Variants in PAM observed in about 807,000 individuals in gnomAD.
PAM encodes peptidylglycine alpha-amidating monooxygenase.
In PAM, 72 loss-of-function variants were observed where a neutral mutation model predicts 122.1. That is an observed-to-expected ratio of 0.59 (90% CI 0.49 to 0.72). The LOEUF is 0.72. Ranked by LOEUF, PAM falls within the 30% of genes least tolerant of loss-of-function variation. PAM has a pLI of 0.00. For synonymous variants in PAM, 389 were observed against 404.4 expected (o/e 0.96, Z 0.46); for missense variants, 1,106 against 1,183.7 (o/e 0.93, Z 0.96).
intron 18 of PAM, 66 bp from the exon 19 acceptor site, chr5:103,006,735 G>C (rs1410851788): frequency 5.5e-6 from 6 of 1,097,966 alleles, no homozygotes; most frequent in Non-Finnish European, 8.1e-6. Flanking sequence ...AGTGGTCTTA[G>C]TCATGTGGGT....
intron 16 of PAM, among the ~76,000 whole-genome samples, chr5:102,999,464 G>C (rs1466399268): frequency 1.3e-5 from 2 of 152,204 alleles, no homozygotes; most frequent in African/African-American, 4.8e-5. Context: ...CCAAGGTCTG[G>C]AGAATGGTGG....
chr5:102,830,890 G>A lies in PAM; in HGVS notation c.-373-34933G>A, dbSNP rs545159303. ...TCTGACTCTGTATTTTGGATGTTTTGTTTTGTTTTGTTTTGTTTTGTTTTT... is the reference window on the plus strand; with the variant it reads ...TCTGACTCTGTATTTTGGATGTTTTATTTTGTTTTGTTTTGTTTTGTTTTT... On this transcript the variant is annotated intron_variant, in intron 1 of 25. Coordinates refer to ENST00000438793, the MANE Select transcript of PAM (RefSeq NM_001177306.2). Among the ~76,000 whole-genome samples the A allele has an allele frequency of 7.0e-5, 6 of 85,396 alleles. No individual in the cohort carries two copies. The South Asian group carries it at 2.0e-3, about 28-fold the overall frequency. 56.0% of individuals were successfully genotyped at this position (85,396 alleles called of 152,430 possible). A position where few individuals can be genotyped will look rare whatever the true frequency, so the allele number is the denominator to read the frequency against.
intron 1 of PAM, among the ~76,000 whole-genome samples, chr5:102,793,800 A>G (rs1411956060): frequency 6.6e-6 from 1 of 152,232 alleles, no homozygotes; most frequent in African/African-American, 2.4e-5. Context: ...CAATTAATTT[A>G]TCAATTTGTA....
chr5:102,923,819 C>G (rs1015870341), intron 5 of PAM, among the ~76,000 whole-genome samples: 4 of 152,154 alleles, frequency 2.6e-5, no homozygotes, highest in Non-Finnish European at 5.9e-5. Context: ...AAATTGAACT[C>G]CAGATCTGTC....
intron 1 of PAM, among the ~76,000 whole-genome samples, chr5:102,825,454 G>T (rs112389378): frequency 6.6e-6 from 1 of 152,148 alleles, no homozygotes; most frequent in Non-Finnish European, 1.5e-5. Context: ...TACTGTGTGC[G>T]TATGTATAAG....
chr5:102,967,287 T>C (rs1468355144), intron 14 of PAM, among the ~76,000 whole-genome samples: 1 of 152,196 alleles, frequency 6.6e-6, no homozygotes, highest in African/African-American at 2.4e-5. Context: ...GCTGCTACTA[T>C]AGTTGTGTTT....
At chr5:102,954,725 A>C (rs1316592411) in intron 12 of PAM, among the ~76,000 whole-genome samples, 1 of 152,076 alleles carries the variant, frequency 6.6e-6, no homozygotes, top group Non-Finnish European at 1.5e-5. Context: ...TTTAAATAAA[A>C]ACAGAATTTA....
At position 102,895,500 on chromosome 5, in the gene PAM, AAG is replaced by A. The variant is rs1340433716; in HGVS notation, c.211-5852_211-5851del. The stretch of plus-strand genomic sequence containing the variant: ...GAATGGCTTTCTGTGCAGCCATTGA[AAG>A]AGATTTAAAGGTAGGCAAGTATTAA... On this transcript the variant is annotated intron_variant, in intron 3 of 25. Coordinates refer to ENST00000438793, the MANE Select transcript of PAM (RefSeq NM_001177306.2). 3.3e-5 allele frequency among the ~76,000 whole-genome samples: 5 copies of A among 151,866 alleles called. No homozygotes were observed. The East Asian group carries it at 9.8e-4, about 30-fold the overall frequency.
chr5:102,890,895 A>G (rs1794595845), intron 3 of PAM, among the ~76,000 whole-genome samples: 1 of 151,924 alleles, frequency 6.6e-6, no homozygotes, highest in South Asian at 2.1e-4. Flanking sequence ...TCATATACTA[A>G]TAACCCCATT....
At chr5:103,025,896 G>A (rs1038757433) in intron 24 of PAM, among the ~76,000 whole-genome samples, 2 of 152,102 alleles carry the variant, frequency 1.3e-5, no homozygotes, top group African/African-American at 4.8e-5. Flanking sequence ...TGGAACCTAG[G>A]AAGTACTCAA....
At chr5:102,884,067 A>C (rs925433821) in intron 3 of PAM, among the ~76,000 whole-genome samples, 2 of 151,920 alleles carry the variant, frequency 1.3e-5, no homozygotes, top group Admixed American at 1.3e-4. Flanking sequence ...CCCAATATAC[A>C]TGTGTCTGTT....
chr5:102,943,829 G>C (rs1756092921), intron 7 of PAM, among the ~76,000 whole-genome samples: 1 of 152,118 alleles, frequency 6.6e-6, no homozygotes, highest in African/African-American at 2.4e-5. Flanking sequence ...TTAAGCAGAG[G>C]AAAGCAGTTT....
chr5:102,933,565 A>G lies in PAM; in HGVS notation c.526+6897A>G, dbSNP rs567455673. 7.2e-5 allele frequency among the ~76,000 whole-genome samples: 11 copies of G among 152,364 alleles called. No individual in the cohort carries two copies. The South Asian group carries it at 2.3e-3, about 32-fold the overall frequency. ...TGTGTATTCACACAAATACACATGT[A>G]TCCATACAAAGGGTTCCTACCTAAC... On this transcript the variant is annotated intron_variant, in intron 7 of 25. Coordinates refer to ENST00000438793, the MANE Select transcript of PAM (RefSeq NM_001177306.2).
chr5:103,022,610 A>G (rs767768783), intron 23 of PAM, among the ~76,000 whole-genome samples: 13 of 152,270 alleles, frequency 8.5e-5, no homozygotes, highest in African/African-American at 2.9e-4. Flanking sequence ...CTCTTATAAG[A>G]TTTTAAGGCA....
chr5:102,794,614 G>T (rs1762892911), intron 1 of PAM, among the ~76,000 whole-genome samples: 1 of 152,116 alleles, frequency 6.6e-6, no homozygotes, highest in Non-Finnish European at 1.5e-5. Flanking sequence ...ATATGAAACA[G>T]TGATATTTAT....
chr5:103,003,629 G>A (rs578257283), intron 17 of PAM, among the ~76,000 whole-genome samples: 7 of 152,198 alleles, frequency 4.6e-5, no homozygotes, highest in African/African-American at 1.7e-4. Flanking sequence ...TGTATAGAGT[G>A]GGGCTAATAA....
chr5:102,922,290 G>A (rs1457381839), intron 5 of PAM, among the ~76,000 whole-genome samples: 1 of 152,118 alleles, frequency 6.6e-6, no homozygotes, highest in East Asian at 1.9e-4. Flanking sequence ...AATGGAAGGT[G>A]GATGGGGGTC....
intron 1 of PAM, among the ~76,000 whole-genome samples, chr5:102,789,039 G>A (rs1161832442): frequency 6.6e-6 from 1 of 152,112 alleles, no homozygotes; most frequent in African/African-American, 2.4e-5. Flanking sequence ...GACTTTGATA[G>A]AGAAAAGTTA....
chr5:102,855,639 C>T (rs905879397), intron 1 of PAM, among the ~76,000 whole-genome samples: 9 of 151,552 alleles, frequency 5.9e-5, no homozygotes, highest in African/African-American at 1.7e-4. Context: ...CCTCTGAAGT[C>T]GTTGGAAAGC....
Sources: allele counts gnomAD v4.1 joint callset (sites outside exome capture counted in the v4.1 genomes callset), GRCh38; gene constraint gnomAD v4.1.1; transcripts MANE v1.5; gene names NCBI Gene and HGNC (gene_info 2026-07-23, HGNC 2026-07-21).